Variants in ZNF670 observed in about 807,000 individuals in gnomAD.
The protein encoded by ZNF670 is zinc finger protein 670.
In ZNF670, 7 loss-of-function variants were observed where a neutral mutation model predicts 10.9. The ratio of observed to expected loss-of-function variants is 0.64; its 90% CI spans 0.36 to 1.20. ZNF670 has a LOEUF of 1.20. Ranked by LOEUF, ZNF670 falls within the 50% of genes most tolerant of loss-of-function variation. The pLI is 0.02. For synonymous variants in ZNF670, 136 were observed against 152.7 expected, an observed-to-expected ratio of 0.89 and a Z score of 0.81; for missense variants, 446 against 458.6, an observed-to-expected ratio of 0.97 and a Z score of 0.25.
intron 1 of ZNF670, among the ~76,000 whole-genome samples, chr1:247,061,284 C>G (rs889344657): frequency 6.6e-6 from 1 of 150,982 alleles, no homozygotes. Flanking sequence ...TGGGTTCAAG[C>G]AATTCTCTGC....
intron 1 of ZNF670, among the ~76,000 whole-genome samples, chr1:247,051,692 TTCCTCA>T (rs1242307815): frequency 3.3e-5 from 5 of 152,336 alleles, no homozygotes; most frequent in African/African-American, 9.6e-5. Context: ...CCTCAATTAT[TTCCTCA>T]AATAAGAATT....
intron 1 of ZNF670, among the ~76,000 whole-genome samples, chr1:247,076,519 G>C (rs1671257913): frequency 6.6e-6 from 1 of 152,124 alleles, no homozygotes; most frequent in Admixed American, 6.5e-5. Flanking sequence ...GCCTCCCAAA[G>C]TGTTGGGATT....
In ZNF670 at chr1:247,076,546, G is replaced by A. The variant is rs148624341; in HGVS notation, c.3+2048C>T. 3.9e-3 allele frequency among the ~76,000 whole-genome samples: 595 copies of A among 151,876 alleles called. 4 individuals are homozygous for A. Among genetic ancestry groups the A allele is most frequent in the Non-Finnish European group, 5.7e-3 (389 of 67,932 alleles). On this transcript the variant is annotated intron_variant, in intron 1 of 3. Transcript: ENST00000366503. ...GTTGGGATTACAGGCGTGAGCCACCGCACCTGGCCTGTGTGCCTGAATTTC... is the reference window on the plus strand; with the variant it reads ...GTTGGGATTACAGGCGTGAGCCACCACACCTGGCCTGTGTGCCTGAATTTC...
At chr1:247,074,740 G>C (rs1208844535) in intron 1 of ZNF670, among the ~76,000 whole-genome samples, 1 of 152,082 alleles carries the variant, frequency 6.6e-6, no homozygotes, top group Non-Finnish European at 1.5e-5. Flanking sequence ...GCTCCTCTGA[G>C]ATTCTAAAGC....
intron 1 of ZNF670, among the ~76,000 whole-genome samples, chr1:247,040,620 G>A (rs72768374): frequency 6.6e-6 from 1 of 152,302 alleles, no homozygotes; most frequent in Non-Finnish European, 1.5e-5. Flanking sequence ...CAGTATTAAT[G>A]TGGAGATAAA....
intron 1 of ZNF670, among the ~76,000 whole-genome samples, chr1:247,067,283 A>G (rs777825615): frequency 6.6e-5 from 10 of 151,890 alleles, no homozygotes; most frequent in Non-Finnish European, 1.0e-4. Context: ...TAAAAATACA[A>G]AAATCAGCCG....
chr1:247,040,841 ATG>A (rs2103052677), intron 1 of ZNF670, among the ~76,000 whole-genome samples: 1 of 152,160 alleles, frequency 6.6e-6, no homozygotes, highest in African/African-American at 2.4e-5. Flanking sequence ...GATTACAGGC[ATG>A]TGTCACCACG....
At chr1:247,039,995 G>A (rs1424598598) in intron 1 of ZNF670, among the ~76,000 whole-genome samples, 1 of 152,162 alleles carries the variant, frequency 6.6e-6, no homozygotes, top group South Asian at 2.1e-4. Flanking sequence ...CACCCTAAGT[G>A]AGTGGTTCAC....
intron 1 of ZNF670, among the ~76,000 whole-genome samples, chr1:247,076,276 G>A (rs1671250596): frequency 6.7e-6 from 1 of 149,160 alleles, no homozygotes; most frequent in Admixed American, 6.7e-5. Context: ...TTTTTTTTTG[G>A]GACGGAGTCT....
chr1:247,047,885 C>T (rs538120892), intron 1 of ZNF670, among the ~76,000 whole-genome samples: 3 of 151,952 alleles, frequency 2.0e-5, no homozygotes, highest in East Asian at 1.9e-4. Flanking sequence ...CCCTGGGTCC[C>T]GGATCATGAA....
intron 1 of ZNF670, among the ~76,000 whole-genome samples, chr1:247,060,735 TAC>T (rs1670838722): frequency 1.3e-5 from 2 of 152,066 alleles, no homozygotes; most frequent in Non-Finnish European, 2.9e-5. Flanking sequence ...GCAAAAAAAT[TAC>T]ACACAGAATA....
At chr1:247,049,847 G>A (rs371027617) in intron 1 of ZNF670, among the ~76,000 whole-genome samples, 15 of 152,128 alleles carry the variant, frequency 9.9e-5, no homozygotes, top group African/African-American at 3.4e-4. Flanking sequence ...TGTTCCTTTT[G>A]GAGTTGATTT....
At chr1:247,076,913 G>A (rs1455535436) in intron 1 of ZNF670, among the ~76,000 whole-genome samples, 1 of 152,160 alleles carries the variant, frequency 6.6e-6, no homozygotes, top group East Asian at 1.9e-4. Context: ...TGCCTCCCTT[G>A]GCCTCCCAAA....
intron 1 of ZNF670, among the ~76,000 whole-genome samples, chr1:247,046,831 T>C (rs1670462084): frequency 2.0e-5 from 3 of 152,168 alleles, no homozygotes; most frequent in Non-Finnish European, 4.4e-5. Flanking sequence ...AGAAGTCACA[T>C]GGGCTGCATC....
At chr1:247,050,469 AT>A (rs1670564591) in intron 1 of ZNF670, among the ~76,000 whole-genome samples, 1 of 136,406 alleles carries the variant, frequency 7.3e-6, no homozygotes, top group Non-Finnish European at 1.5e-5. Context: ...TGGTTGGTGA[AT>A]TCTTTTCTTC....
At chr1:247,074,491 T>G (rs912417625) in intron 1 of ZNF670, among the ~76,000 whole-genome samples, 4 of 152,232 alleles carry the variant, frequency 2.6e-5, no homozygotes, top group Admixed American at 6.6e-5. Flanking sequence ...ACCCAGTGTT[T>G]TTCCTCATTG....
intron 1 of ZNF670, among the ~76,000 whole-genome samples, chr1:247,040,568 T>C (rs1438417505): frequency 6.6e-6 from 1 of 152,218 alleles, no homozygotes; most frequent in Non-Finnish European, 1.5e-5. Flanking sequence ...GGCAATGGCT[T>C]CCTTACCATG....
At chr1:247,056,773 T>C (rs1049705397) in intron 1 of ZNF670, among the ~76,000 whole-genome samples, 1 of 152,126 alleles carries the variant, frequency 6.6e-6, no homozygotes, top group African/African-American at 2.4e-5. Flanking sequence ...CAATAAATGG[T>C]GCTGGAAAAA....
chr1:247,046,211 T>A (rs1466949711), intron 1 of ZNF670, among the ~76,000 whole-genome samples: 1 of 152,148 alleles, frequency 6.6e-6, no homozygotes, highest in East Asian at 1.9e-4. Context: ...GAGCAATGAC[T>A]TGTAAGAGAG....
Sources: allele counts gnomAD v4.1 joint callset (sites outside exome capture counted in the v4.1 genomes callset), GRCh38; gene constraint gnomAD v4.1.1; transcripts MANE v1.5; gene names NCBI Gene and HGNC (gene_info 2026-07-23, HGNC 2026-07-21).